Variants in TMC1 observed in about 807,000 individuals in gnomAD.
TMC1 encodes the protein transmembrane channel like 1, also known as transmembrane channel-like protein 1.
TMC1 carries 84 observed loss-of-function variants against 105.8 expected under a neutral mutation model. The ratio of observed to expected loss-of-function variants is 0.79; its 90% CI spans 0.67 to 0.95. TMC1 has a LOEUF of 0.95. TMC1 is among the 40% of genes least tolerant of loss of function. The pLI is 0.00. For synonymous variants in TMC1, 315 were observed against 311.5 expected, an observed-to-expected ratio of 1.01 and a Z score of -0.12; for missense variants, 817 against 914.1, an observed-to-expected ratio of 0.89 and a Z score of 1.37.
intron 1 of TMC1, among the ~76,000 whole-genome samples, chr9:72,571,442 C>CTTTTTTTTTTTT (rs35382914): frequency 2.2e-5 from 3 of 139,092 alleles, no homozygotes; most frequent in Non-Finnish European, 4.6e-5. Context: ...CAACCTCACG[C>CTTTTTTTTTTTT]TTTTTTTTTT....
rs1293692474 is a variant in TMC1 at position 72,694,687 on chromosome 9, A to C, written c.209A>C (p.Glu70Ala). 9 of 1,611,306 alleles carry C rather than the reference A, an allele frequency of 5.6e-6. No homozygotes were observed. The highest frequency in any genetic ancestry group is 6.8e-6 in the Non-Finnish European group (8 of 1,178,618). The change falls in exon 7 of 24, where the codon GAG becomes GCG. Residue 70 changes from glutamate (E) to alanine (A), a missense_variant. By Grantham distance (107) the Glu-to-Ala change is moderately radical. Transcript: ENST00000297784. Reference protein sequence around the residue: ...DEETRKAREKERRRRLKRGAE... With the variant: ...DEETRKAREKARRRRLKRGAE... The stretch of plus-strand genomic sequence containing the variant: ...GAAACAAGGAAGGCAAGAGAAAAAG[A>C]GAGGAGGAGGAGGCTAAAGAGAGGA...
intron 7 of TMC1, among the ~76,000 whole-genome samples, chr9:72,699,956 CAAA>C (rs61062887): frequency 0.11 from 4,891 of 45,940 alleles, 30 homozygotes; most frequent in African/African-American, 0.15. Flanking sequence ...GACTCTGTCT[CAAA>C]AAAAAAAAAA....
chr9:72,522,377 A>G (rs1052433379), intron 1 of TMC1, among the ~76,000 whole-genome samples: 4 of 152,348 alleles, frequency 2.6e-5, no homozygotes, highest in African/African-American at 9.6e-5. Context: ...CTGGGATTAC[A>G]GGCGTGAGCC....
chr9:72,772,273 G>A, intron 12 of TMC1, 140 bp from the exon 13 acceptor site: 1 of 1,040,888 alleles, frequency 9.6e-7, no homozygotes, highest in Non-Finnish European at 1.5e-6. Flanking sequence ...ACTTTATGGA[G>A]CAAAACAATA....
At chr9:72,657,272 A>G (rs921929703) in intron 5 of TMC1, among the ~76,000 whole-genome samples, 1 of 152,212 alleles carries the variant, frequency 6.6e-6, no homozygotes, top group Non-Finnish European at 1.5e-5. Flanking sequence ...AGGCAAAAAG[A>G]TCAGGCAACA....
intron 1 of TMC1, among the ~76,000 whole-genome samples, chr9:72,538,820 G>T (rs1198337776): frequency 6.6e-6 from 1 of 152,014 alleles, no homozygotes; most frequent in Admixed American, 6.6e-5. Flanking sequence ...TTCAAATTTG[G>T]TATCTTATTG....
chr9:72,762,267 C>T (rs1827769219), intron 12 of TMC1, among the ~76,000 whole-genome samples: 2 of 152,122 alleles, frequency 1.3e-5, no homozygotes, highest in Admixed American at 6.6e-5. Flanking sequence ...CAGTCATTAT[C>T]TAGGTAGTGG....
intron 10 of TMC1, among the ~76,000 whole-genome samples, chr9:72,749,736 C>G (rs925096876): frequency 7.2e-5 from 11 of 151,926 alleles, no homozygotes; most frequent in Admixed American, 6.6e-4. Flanking sequence ...CCAAAATATC[C>G]ATTTAAAGAT....
intron 5 of TMC1, among the ~76,000 whole-genome samples, chr9:72,652,870 T>G (rs1408422799): frequency 1.3e-5 from 2 of 152,172 alleles, no homozygotes; most frequent in African/African-American, 4.8e-5. Flanking sequence ...TGAATTGACA[T>G]ACAAAATAAA....
intron 17 of TMC1, among the ~76,000 whole-genome samples, chr9:72,801,008 A>G (rs912419705): frequency 6.6e-6 from 1 of 152,212 alleles, no homozygotes; most frequent in Non-Finnish European, 1.5e-5. Context: ...TCTGTATGTA[A>G]TGTTAGATAT....
chr9:72,740,043 A>C (rs1827361362), intron 8 of TMC1, 76 bp from the exon 9 acceptor site: 9 of 1,147,652 alleles, frequency 7.8e-6, no homozygotes, highest in Non-Finnish European at 1.2e-5. Context: ...TGGTAAATTC[A>C]AATGTCCACT....
chr9:72,648,485 C>T (rs1564466842), intron 4 of TMC1, 112 bp from the exon 5 acceptor site: 1 of 702,612 alleles, frequency 1.4e-6, no homozygotes, highest in East Asian at 2.5e-5. Context: ...GAAATGAGTA[C>T]CTTCTTAAGT....
intron 17 of TMC1, among the ~76,000 whole-genome samples, chr9:72,793,267 T>G (rs749319063): frequency 9.9e-5 from 15 of 152,102 alleles, no homozygotes; most frequent in Non-Finnish European, 1.6e-4. Flanking sequence ...CTGAATCCAG[T>G]GACAGTCTGC....
intron 19 of TMC1, chr9:72,818,694 A>G (rs898824314): frequency 1.3e-5 from 2 of 152,218 alleles, no homozygotes; most frequent in Non-Finnish European, 2.9e-5. Context: ...AAAGAATTTT[A>G]TAAGGCTAAA....
At chr9:72,648,792 T>G in intron 5 of TMC1, 128 bp downstream of exon 5, 1 of 801,670 alleles carries the variant, frequency 1.2e-6, no homozygotes, top group South Asian at 1.4e-5. Flanking sequence ...CTTTTTCATT[T>G]TTTTCTGTGG....
chr9:72,800,798 GA>G (rs1253348139), intron 17 of TMC1, among the ~76,000 whole-genome samples: 1 of 152,080 alleles, frequency 6.6e-6, no homozygotes, highest in Non-Finnish European at 1.5e-5. Context: ...CGGGCCAAGG[GA>G]AAAGGGGTTG....
intron 3 of TMC1, among the ~76,000 whole-genome samples, chr9:72,624,966 G>T (rs1034203844): frequency 5.3e-5 from 8 of 152,226 alleles, no homozygotes; most frequent in African/African-American, 1.9e-4. Flanking sequence ...CATGCGTTCA[G>T]TATTGGAACT....
chr9:72,738,892 G>T (rs535978834), intron 8 of TMC1, among the ~76,000 whole-genome samples: 21 of 152,050 alleles, frequency 1.4e-4, no homozygotes, highest in Non-Finnish European at 2.8e-4. Flanking sequence ...TCATGACAGA[G>T]GCTACTCCAT....
At chr9:72,586,014 C>G (rs2132102468) in intron 2 of TMC1, among the ~76,000 whole-genome samples, 1 of 152,308 alleles carries the variant, frequency 6.6e-6, no homozygotes, top group East Asian at 1.9e-4. Context: ...TCACAACCAG[C>G]AGCTGCATCG....
Sources: gnomAD v4.1 joint callset for allele counts (sites outside exome capture counted in the v4.1 genomes callset) on GRCh38, gnomAD v4.1.1 for gene constraint, MANE v1.5 for transcripts, NCBI Gene and HGNC (gene_info 2026-07-23, HGNC 2026-07-21) for gene names.